UBE2D2: variants seen among roughly 807,000 people sequenced by gnomAD.
UBE2D2 encodes ubiquitin-conjugating enzyme E2 D2.
UBE2D2 carries 2 observed loss-of-function variants against 24.2 expected under a neutral mutation model. That is an observed-to-expected ratio of 0.08 (90% CI 0.03 to 0.26). UBE2D2 has a LOEUF of 0.26. UBE2D2 is among the 10% of genes least tolerant of loss of function. The pLI, the probability that UBE2D2 is intolerant of heterozygous loss-of-function variation, is 1.00. For synonymous variants in UBE2D2, 58 were observed against 56.5 expected, an observed-to-expected ratio of 1.03 and a Z score of -0.12; for missense variants, 44 against 177.6, an observed-to-expected ratio of 0.25 and a Z score of 4.28.
intron 1 of UBE2D2, among the ~76,000 whole-genome samples, chr5:139,534,063 G>T (rs964953081): frequency 6.6e-6 from 1 of 151,570 alleles, no homozygotes; most frequent in African/African-American, 2.4e-5. Flanking sequence ...TTACAGGCGT[G>T]AGCCACCGCG....
intron 1 of UBE2D2, among the ~76,000 whole-genome samples, chr5:139,542,406 T>C (rs1469322507): frequency 6.6e-6 from 1 of 152,142 alleles, no homozygotes; most frequent in Non-Finnish European, 1.5e-5. Flanking sequence ...TCTCACTCTT[T>C]CACCTTGGGC....
At chr5:139,545,427 T>A (rs1387850613) in intron 1 of UBE2D2, among the ~76,000 whole-genome samples, 2 of 2,610 alleles carry the variant, frequency 7.7e-4, no homozygotes, top group Non-Finnish European at 1.2e-3. Context: ...TTTTCTTTTT[T>A]TTTTTTAATT....
At chr5:139,613,026 A>T (rs1462561054) in intron 2 of UBE2D2, among the ~76,000 whole-genome samples, 1 of 152,166 alleles carries the variant, frequency 6.6e-6, no homozygotes, top group Non-Finnish European at 1.5e-5. Context: ...TCCTTGGCTT[A>T]CTCAGTCCAT....
chr5:139,578,748 C>T (rs1269366605), intron 1 of UBE2D2, among the ~76,000 whole-genome samples: 1 of 152,098 alleles, frequency 6.6e-6, no homozygotes, highest in African/African-American at 2.4e-5. Context: ...CCCCACTCTG[C>T]TAAACTTCTG....
intron 1 of UBE2D2, among the ~76,000 whole-genome samples, chr5:139,554,223 G>A (rs748916661): frequency 1.3e-5 from 2 of 151,906 alleles, no homozygotes; most frequent in Non-Finnish European, 2.9e-5. Flanking sequence ...TACTGAGAAT[G>A]GGGTCTCATT....
intron 2 of UBE2D2, among the ~76,000 whole-genome samples, chr5:139,605,591 CAAAA>C (rs70988710): frequency 4.2e-4 from 19 of 44,716 alleles, no homozygotes; most frequent in East Asian, 3.9e-3. Context: ...GACTCTGTCT[CAAAA>C]AAAAAAAAAA....
At chr5:139,625,214 C>T (rs1371052776) in intron 6 of UBE2D2, among the ~76,000 whole-genome samples, 2 of 151,434 alleles carry the variant, frequency 1.3e-5, no homozygotes, top group East Asian at 4.0e-4. Flanking sequence ...CATGCCACTA[C>T]ACCTTTCCAG....
At chr5:139,527,093 C>T (rs966779768) in intron 1 of UBE2D2, among the ~76,000 whole-genome samples, 5 of 152,086 alleles carry the variant, frequency 3.3e-5, no homozygotes, top group East Asian at 1.9e-4. Flanking sequence ...AGGGAGATTA[C>T]GGTGTTACTA....
At chr5:139,533,787 T>C (rs1428799119) in intron 1 of UBE2D2, among the ~76,000 whole-genome samples, 2 of 64,758 alleles carry the variant, frequency 3.1e-5, no homozygotes, top group African/African-American at 1.7e-4. Context: ...AAAAAACATC[T>C]TTTTTTTTTT....
At chr5:139,548,765 A>C (rs1752869265) in intron 1 of UBE2D2, among the ~76,000 whole-genome samples, 1 of 152,194 alleles carries the variant, frequency 6.6e-6, no homozygotes, top group Admixed American at 6.6e-5. Context: ...TCAAGAAGTC[A>C]AGTAACTTGT....
At chr5:139,613,003 C>G (rs1439400875) in intron 2 of UBE2D2, among the ~76,000 whole-genome samples, 1 of 152,088 alleles carries the variant, frequency 6.6e-6, no homozygotes, top group Middle Eastern at 3.2e-3. Context: ...TTTAGTGGCC[C>G]AGAATGGCTT....
At chr5:139,567,656 C>T (rs1045224706) in intron 1 of UBE2D2, among the ~76,000 whole-genome samples, 1 of 151,178 alleles carries the variant, frequency 6.6e-6, no homozygotes, top group African/African-American at 2.4e-5. Context: ...GCCTCAGTCT[C>T]CCGAGTAGCT....
chr5:139,581,077 G>C (rs529569074), intron 1 of UBE2D2, among the ~76,000 whole-genome samples: 40 of 152,106 alleles, frequency 2.6e-4, no homozygotes, highest in East Asian at 5.8e-4. Context: ...AGGTGGATGT[G>C]GGGGAGGAGA....
At chr5:139,548,361 G>A (rs945378024) in intron 1 of UBE2D2, among the ~76,000 whole-genome samples, 7 of 151,604 alleles carry the variant, frequency 4.6e-5, no homozygotes, top group African/African-American at 1.5e-4. Context: ...GGATTGAACC[G>A]CCAGACTGTT....
At chr5:139,590,724 C>T (rs1753827030) in intron 1 of UBE2D2, among the ~76,000 whole-genome samples, 3 of 140,490 alleles carry the variant, frequency 2.1e-5, no homozygotes, top group Non-Finnish European at 3.0e-5. Context: ...GATAGTATGG[C>T]GATGTTAAGA....
intron 2 of UBE2D2, among the ~76,000 whole-genome samples, chr5:139,608,691 T>C (rs562244457): frequency 1.4e-4 from 21 of 152,370 alleles, no homozygotes; most frequent in African/African-American, 5.0e-4. Flanking sequence ...TTCTGCGTTG[T>C]CCAATTGTTA....
At chr5:139,535,320 G>A (rs2126628898) in intron 1 of UBE2D2, among the ~76,000 whole-genome samples, 1 of 151,414 alleles carries the variant, frequency 6.6e-6, no homozygotes, top group Admixed American at 6.6e-5. Flanking sequence ...GACTTGCATG[G>A]TGGCGGGCAC....
intron 1 of UBE2D2, among the ~76,000 whole-genome samples, chr5:139,591,220 A>C (rs1268051213): frequency 6.7e-6 from 1 of 149,958 alleles, no homozygotes; most frequent in Non-Finnish European, 1.5e-5. Context: ...TCCTGGGTTC[A>C]AGCAATTCTC....
chr5:139,570,721 C>G (rs1354618039), intron 1 of UBE2D2, among the ~76,000 whole-genome samples: 6 of 152,068 alleles, frequency 3.9e-5, no homozygotes, highest in Non-Finnish European at 8.8e-5. Context: ...CTATGTTAGC[C>G]AGGATGGTCT....
Sources: gnomAD v4.1 joint callset for allele counts (sites outside exome capture counted in the v4.1 genomes callset) on GRCh38, gnomAD v4.1.1 for gene constraint, MANE v1.5 for transcripts, NCBI Gene and HGNC (gene_info 2026-07-23, HGNC 2026-07-21) for gene names.